The following IFT80 variants were observed in gnomAD, a reference collection of about 807,000 sequenced individuals.
The protein encoded by IFT80 is intraflagellar transport protein 80 homolog.
A neutral mutation model predicts 107.9 loss-of-function variants in IFT80; 79 were observed. The observed-to-expected ratio is 0.73, with a 90% confidence interval of 0.61 to 0.88. The LOEUF (loss-of-function observed/expected upper bound fraction) is 0.88, where lower values mean the gene tolerates loss of function less well. IFT80 is among the 40% of genes least tolerant of loss of function. IFT80 has a pLI of 0.00. For missense variants in IFT80, 797 were observed against 914.2 expected, an observed-to-expected ratio of 0.87 and a Z score of 1.65; for synonymous variants, 299 against 300.9, an observed-to-expected ratio of 0.99 and a Z score of 0.07.
intron 13 of IFT80, among the ~76,000 whole-genome samples, chr3:160,284,366 A>C (rs1200950210): frequency 6.6e-6 from 1 of 152,138 alleles, no homozygotes; most frequent in Non-Finnish European, 1.5e-5. Flanking sequence ...AAGCTGAGAC[A>C]TTTACTCCTT....
chr3:160,389,693 G>A (rs566152115), intron 1 of IFT80, among the ~76,000 whole-genome samples: 32 of 149,820 alleles, frequency 2.1e-4, no homozygotes, highest in South Asian at 1.5e-3. Context: ...GTATTCCACG[G>A]TGTATATGTG....
chr3:160,384,998 T>TTG (rs1453766645), intron 1 of IFT80, among the ~76,000 whole-genome samples: 1 of 152,212 alleles, frequency 6.6e-6, no homozygotes, highest in Non-Finnish European at 1.5e-5. Context: ...GTCCTGTCTA[T>TTG]TGGATACAAA....
intron 8 of IFT80, among the ~76,000 whole-genome samples, chr3:160,339,679 G>A (rs1210232456): frequency 2.0e-5 from 3 of 152,120 alleles, no homozygotes; most frequent in Non-Finnish European, 4.4e-5. Flanking sequence ...AAAACAAAAA[G>A]TGGGTAAGCA....
chr3:160,302,733 A>G (rs1427709891), intron 11 of IFT80, among the ~76,000 whole-genome samples: 1 of 152,162 alleles, frequency 6.6e-6, no homozygotes, highest in Non-Finnish European at 1.5e-5. Context: ...TACCTTTTAA[A>G]TGACAAAAAT....
intron 8 of IFT80, among the ~76,000 whole-genome samples, chr3:160,334,782 GTCT>G (rs897369365): frequency 6.7e-6 from 1 of 149,692 alleles, no homozygotes; most frequent in African/African-American, 2.5e-5. Context: ...TTATTTTTTA[GTCT>G]TCTTGACAGA....
intron 1 of IFT80, among the ~76,000 whole-genome samples, chr3:160,398,413 A>C (rs1299719526): frequency 6.6e-6 from 1 of 152,212 alleles, no homozygotes; most frequent in Non-Finnish European, 1.5e-5. Flanking sequence ...AAAAAAAAGG[A>C]GGCTAGTAGT....
Position 160,280,773 on chromosome 3 carries a change from T to C in IFT80, c.1558A>G (p.Ile520Val). 1 of 1,613,322 alleles carries C rather than the reference T, an allele frequency of 6.2e-7. No homozygotes were observed. Among genetic ancestry groups the C allele is most frequent in the Middle Eastern group, 1.7e-4 (1 of 6,054 alleles). ...CGAGTATCTTGAAGTCCACAAAGGATATTGCATGTATCGTTCCATGCCAAA... is the reference window on the plus strand; with the variant it reads ...CGAGTATCTTGAAGTCCACAAAGGACATTGCATGTATCGTTCCATGCCAAA... ...HTLAWNDTCN[I>V]LCGLQDTRFI... Residue 520 changes from isoleucine (I) to valine (V), a missense_variant, in exon 15 of 20, where the codon ATC (isoleucine) becomes GTC (valine). Transcript: ENST00000326448.
intron 1 of IFT80, among the ~76,000 whole-genome samples, chr3:160,386,386 G>C (rs1244713988): frequency 6.6e-6 from 1 of 152,140 alleles, no homozygotes; most frequent in Non-Finnish European, 1.5e-5. Context: ...CTGCCTAAAG[G>C]GATTGATCAT....
At chr3:160,270,894 G>T (rs952122146) in intron 18 of IFT80, among the ~76,000 whole-genome samples, 1 of 152,124 alleles carries the variant, frequency 6.6e-6, no homozygotes, top group Admixed American at 6.5e-5. Flanking sequence ...GTGCAAAACT[G>T]AAAGTATTCT....
rs1011777303 is a variant in IFT80, at chr3:160,314,436, A to T, written c.957+5324T>A. Among the ~76,000 whole-genome samples, 83 of 152,170 alleles carry T rather than the reference A, an allele frequency of 5.5e-4. 1 individual carries two copies. The highest frequency in any genetic ancestry group is 1.3e-4 in the Non-Finnish European group (9 of 68,028). On this transcript the variant is annotated intron_variant, in intron 9 of 19. Transcript: ENST00000326448. ...GCTTCCTGGAGGCAAGAGGCAGATT[A>T]AGAAACTTTTTCACTACAGGCTATC...
At chr3:160,322,806 A>G (rs1403205480) in intron 8 of IFT80, among the ~76,000 whole-genome samples, 2 of 151,910 alleles carry the variant, frequency 1.3e-5, no homozygotes, top group African/African-American at 4.8e-5. Flanking sequence ...GCATTTTTTC[A>G]TGTGTCTTTT....
chr3:160,280,463 CAAAT>C (rs1040204184), intron 15 of IFT80, among the ~76,000 whole-genome samples, 200 bp downstream of exon 15: 2 of 152,102 alleles, frequency 1.3e-5, no homozygotes, highest in African/African-American at 4.8e-5. Flanking sequence ...ATATAAGGGA[CAAAT>C]AAATAATTCA....
chr3:160,365,240 G>A (rs1448082905), intron 6 of IFT80, among the ~76,000 whole-genome samples: 1 of 151,942 alleles, frequency 6.6e-6, no homozygotes, highest in Non-Finnish European at 1.5e-5. Flanking sequence ...TTCTATTCTT[G>A]CATGTCCCTA....
At chr3:160,351,771 A>G (rs1720726642) in intron 8 of IFT80, among the ~76,000 whole-genome samples, 1 of 149,836 alleles carries the variant, frequency 6.7e-6, no homozygotes, top group African/African-American at 2.5e-5. Context: ...GTTAATACAA[A>G]CCTTGCAAAA....
chr3:160,334,312 A>ATC (rs1719301074), intron 8 of IFT80, among the ~76,000 whole-genome samples: 1 of 152,122 alleles, frequency 6.6e-6, no homozygotes, highest in Non-Finnish European at 1.5e-5. Flanking sequence ...CAGATGAGAT[A>ATC]TGTTATTAGT....
intron 9 of IFT80, among the ~76,000 whole-genome samples, chr3:160,315,830 CT>C (rs1018090296): frequency 6.6e-6 from 1 of 151,712 alleles, no homozygotes; most frequent in Non-Finnish European, 1.5e-5. Context: ...TCTAGGTTAT[CT>C]TTTTTTTAGA....
In IFT80 at chr3:160,301,029, T is replaced by C; in HGVS notation, c.1169A>G (p.Asp390Gly). The C allele has an allele frequency of 6.3e-7, 1 of 1,578,998 alleles. No homozygotes were observed. The change falls in exon 12 of 20, where the codon GAT (aspartate) becomes GGT (glycine). Residue 390 changes from aspartate (D) to glycine (G), a missense_variant. Physicochemically the swap from Asp to Gly is moderately conservative, Grantham distance 94. Transcript: ENST00000326448. ...TGAATATAAATAGATACTACTACCATCTACAAGAAGAAAATGTCTAAAAAA... is the reference window on the plus strand; with the variant it reads ...TGAATATAAATAGATACTACTACCACCTACAAGAAGAAAATGTCTAAAAAA... Reference protein sequence around the residue: ...LQAERHFLLVDGSSIYLYSYE... With the variant: ...LQAERHFLLVGGSSIYLYSYE...
chr3:160,335,644 ATTTTC>A (rs1288584264), intron 8 of IFT80, among the ~76,000 whole-genome samples: 2 of 152,146 alleles, frequency 1.3e-5, no homozygotes, highest in African/African-American at 4.8e-5. Context: ...CCTTAGGCAA[ATTTTC>A]TTTTAAGCAA....
chr3:160,302,955 T>C (rs1716552140), intron 11 of IFT80, among the ~76,000 whole-genome samples: 1 of 152,194 alleles, frequency 6.6e-6, no homozygotes, highest in Non-Finnish European at 1.5e-5. Context: ...GCTACACAGT[T>C]CTGTGCTTTT....
Sources: allele counts gnomAD v4.1 joint callset (sites outside exome capture counted in the v4.1 genomes callset), GRCh38; gene constraint gnomAD v4.1.1; transcripts MANE v1.5; gene names NCBI Gene and HGNC (gene_info 2026-07-23, HGNC 2026-07-21).